Variants in EIF2A observed in about 807,000 individuals in gnomAD.
EIF2A encodes 65 kDa eukaryotic translation initiation factor 2A.
EIF2A carries 62 observed loss-of-function variants against 75.2 expected under a neutral mutation model. The observed-to-expected ratio is 0.82, with a 90% CI of 0.67 to 1.02. EIF2A has a LOEUF of 1.02. EIF2A is among the 50% of genes least tolerant of loss of function. The pLI is 0.00. For missense variants in EIF2A, 611 were observed against 677.7 expected (o/e 0.90, Z 1.09); for synonymous variants, 207 against 239.0 (o/e 0.87, Z 1.23).
chr3:150,565,385 G>C (rs1299362541), intron 6 of EIF2A, among the ~76,000 whole-genome samples: 1 of 152,090 alleles, frequency 6.6e-6, no homozygotes, highest in Non-Finnish European at 1.5e-5. Flanking sequence ...TGATACTCTG[G>C]TTTTTTCTCC....
At chr3:150,550,456 T>C (rs1307676470) in intron 1 of EIF2A, among the ~76,000 whole-genome samples, 1 of 152,246 alleles carries the variant, frequency 6.6e-6, no homozygotes, top group African/African-American at 2.4e-5. Flanking sequence ...TAATAAACTT[T>C]GTATCACAGC....
Position 150,581,651 on chromosome 3 carries a change from C to T in EIF2A, c.1531C>T (p.Pro511Ser). ...AAGTGACAAGAGTCCAGATTTGGCA[C>T]CTACTCCTGCCCCACAGAGCACACC... ...ARSDKSPDLAPTPAPQSTPRN... is the reference protein window; with the variant it reads ...ARSDKSPDLASTPAPQSTPRN... Residue 511 changes from proline to serine, a missense_variant, in exon 12 of 14, where the codon CCT (proline) becomes TCT (serine). Transcript: ENST00000460851. The T allele has an allele frequency of 6.4e-7, 1 of 1,551,736 alleles. No individual in the cohort carries two copies.
At chr3:150,567,614 C>A in intron 6 of EIF2A, 79 bp from the exon 7 acceptor site, 1 of 988,020 alleles carries the variant, frequency 1.0e-6, no homozygotes, top group Non-Finnish European at 1.5e-6. Flanking sequence ...TTATAGTGAT[C>A]TTTGATAATG....
rs376553040 is a variant in EIF2A, at chr3:150,564,354, G to T, written c.448G>T (p.Val150Phe). ...TLCARNVNNEVHFFENNNFNT... is the reference protein window; with the variant it reads ...TLCARNVNNEFHFFENNNFNT... ...TTGTGCCCGCAATGTTAACAATGAA[G>T]TTCACTTCTTTGAAAACAACAATTT... The change falls in exon 6 of 14, where the codon GTT becomes TTT. Residue 150 changes from valine (V) to phenylalanine (F), a missense_variant. Physicochemically the swap from Val to Phe is conservative, Grantham distance 50. Transcript: ENST00000460851. 6.9e-6 allele frequency: 11 copies of T among 1,601,864 alleles called. No homozygotes were observed. Among genetic ancestry groups the T allele is most frequent in the African/African-American group, 1.3e-5 (1 of 74,278 alleles).
At position 150,564,338 on chromosome 3, in the gene EIF2A, C is replaced by T. The variant is rs772801786; in HGVS notation, c.432C>T (p.Arg144=). 6 of 1,600,358 alleles carry T rather than the reference C, an allele frequency of 3.7e-6. No individual in the cohort carries two copies. In the African/African-American group the frequency reaches 5.4e-5, roughly 14 times the overall value. Residue 144 remains arginine (R), a synonymous_variant, in exon 6 of 14, where the codon CGC becomes CGT. Coordinates refer to ENST00000460851, the MANE Select transcript of EIF2A (RefSeq NM_032025.5). ...CAGAAGATGAAACTCTTTGTGCCCG[C>T]AATGTTAACAATGAAGTTCACTTCT... ...SWSEDETLCA[R]NVNNEVHFFE...
intron 11 of EIF2A, among the ~76,000 whole-genome samples, chr3:150,580,909 T>C (rs1486720003): frequency 1.3e-5 from 2 of 152,216 alleles, no homozygotes; most frequent in Non-Finnish European, 2.9e-5. Context: ...AGAGATTTCA[T>C]CACACAGCTT....
At chr3:150,568,786 G>A (rs189106908) in intron 9 of EIF2A, among the ~76,000 whole-genome samples, 24 of 152,232 alleles carry the variant, frequency 1.6e-4, no homozygotes, top group East Asian at 1.5e-3. Flanking sequence ...GCATGGTGGC[G>A]TATGCCTGTA....
chr3:150,555,325 C>T (rs373138500), intron 2 of EIF2A, among the ~76,000 whole-genome samples: 22 of 151,928 alleles, frequency 1.4e-4, no homozygotes, highest in African/African-American at 5.3e-4. Context: ...GGTACAATCT[C>T]GGCTCACTGC....
In EIF2A at chr3:150,552,429, T is replaced by C; in HGVS notation, c.98+4T>C. On this transcript the variant is annotated splice_donor_region_variant and intron_variant, in intron 2 of 13. Transcript: ENST00000460851. The stretch of plus-strand genomic sequence containing the variant: ...CAGAAAGCACAGTGTTTCCAAGGTA[T>C]GATTTATTTTGTTAAGTAATGTTAT... The C allele has an allele frequency of 6.4e-7, 1 of 1,551,362 alleles. No homozygotes were observed. The highest frequency in any genetic ancestry group is 8.7e-7 in the Non-Finnish European group (1 of 1,146,472).
rs1325688221 is a variant in EIF2A at position 150,568,244 on chromosome 3, ACT to A, written c.766_767del (p.Leu256ThrfsTer22). ...AGGAGCTTCCTACTATGGAGAACAA[ACT>A]CTACACTACATTGCAACAAATGGAG... ...KTGASYYGEQ[T>X]LHYIATNGES... On this transcript the variant is annotated frameshift_variant, in exon 9 of 14. Transcript: ENST00000460851. LOFTEE classifies it high-confidence loss of function. 6 of 1,613,508 alleles carry A rather than the reference ACT, an allele frequency of 3.7e-6. No individual in the cohort carries two copies. Among genetic ancestry groups the A allele is most frequent in the East Asian group, 2.2e-5 (1 of 44,832 alleles).
In EIF2A at chr3:150,564,351, G is replaced by A; in HGVS notation, c.445G>A (p.Glu149Lys). Residue 149 changes from glutamate to lysine, a missense_variant, in exon 6 of 14, where the codon GAA becomes AAA. By Grantham distance (56) the Glu-to-Lys change is moderately conservative. Transcript: ENST00000460851. Reference sequence around the variant, plus strand: ...TCTTTGTGCCCGCAATGTTAACAATGAAGTTCACTTCTTTGAAAACAACAA... The same window carrying A: ...TCTTTGTGCCCGCAATGTTAACAATAAAGTTCACTTCTTTGAAAACAACAA... Reference protein sequence around the residue: ...ETLCARNVNNEVHFFENNNFN... With the variant: ...ETLCARNVNNKVHFFENNNFN... The A allele has an allele frequency of 1.2e-6, 2 of 1,601,998 alleles. No homozygotes were observed. The highest frequency in any genetic ancestry group is 1.7e-6 in the Non-Finnish European group (2 of 1,175,520).
At chr3:150,570,250 C>A (rs1281401391) in intron 9 of EIF2A, among the ~76,000 whole-genome samples, 1 of 151,660 alleles carries the variant, frequency 6.6e-6, no homozygotes. Flanking sequence ...AGAAAAGAGT[C>A]CATAAATTAA....
At chr3:150,564,455 CAT>C in intron 6 of EIF2A, 74 bp downstream of exon 6, 1 of 1,204,016 alleles carries the variant, frequency 8.3e-7, no homozygotes, top group Non-Finnish European at 1.1e-6. Flanking sequence ...TTTATGACAT[CAT>C]AGGGTTTTCC....
chr3:150,576,088 C>CA (rs949808689), intron 11 of EIF2A, among the ~76,000 whole-genome samples: 30 of 148,832 alleles, frequency 2.0e-4, no homozygotes, highest in African/African-American at 5.2e-4. Flanking sequence ...ACTCCATCTC[C>CA]AAAAAAAAAG....
intron 9 of EIF2A, among the ~76,000 whole-genome samples, chr3:150,570,781 G>A (rs1165072853): frequency 6.6e-6 from 1 of 152,114 alleles, no homozygotes; most frequent in East Asian, 1.9e-4. Flanking sequence ...TGCTGACAGA[G>A]GCTGGGCACG....
At chr3:150,581,821 G>A in intron 12 of EIF2A, 75 bp downstream of exon 12, 1 of 1,478,644 alleles carries the variant, frequency 6.8e-7, no homozygotes, top group Non-Finnish European at 9.1e-7. Context: ...GTACTTAGAT[G>A]CCTAAAGACA....
At position 150,584,976 on chromosome 3, in the gene EIF2A, C is replaced by T. The variant is rs1278630833; in HGVS notation, c.*1065C>T. On this transcript the variant is annotated 3_prime_UTR_variant, in exon 14 of 14. Transcript: ENST00000460851. ...TTGTGTATCTTTCTAATGATAGATA[C>T]CATATGAGTATTCAAATATACATAC... Among the ~76,000 whole-genome samples the T allele has an allele frequency of 6.6e-6, 1 of 151,324 alleles. No homozygotes were observed. The highest frequency in any genetic ancestry group is 6.6e-5 in the Admixed American group (1 of 15,186).
chr3:150,583,347 A>G (rs1725300217), intron 13 of EIF2A, 82 bp downstream of exon 13: 9 of 1,349,902 alleles, frequency 6.7e-6, no homozygotes, highest in Non-Finnish European at 9.2e-6. Flanking sequence ...TAGTCAGGTA[A>G]AAGAGCACAT....
In EIF2A at chr3:150,573,480, G is replaced by A. The variant is rs146481645; in HGVS notation, c.1383+951G>A. ...TTGGCCAGGCTGGTCTGGAACTCCC[G>A]ACCTTAGGTGATCCACCCGCCTTGG... On this transcript the variant is annotated intron_variant, in intron 10 of 13. Transcript: ENST00000460851. 3.0e-3 allele frequency among the ~76,000 whole-genome samples: 453 copies of A among 152,258 alleles called. 3 individuals are homozygous for A. Among genetic ancestry groups the A allele is most frequent in the African/African-American group, 0.01 (431 of 41,542 alleles).
Sources: gnomAD v4.1 joint callset for allele counts (sites outside exome capture counted in the v4.1 genomes callset) on GRCh38, gnomAD v4.1.1 for gene constraint, MANE v1.5 for transcripts, NCBI Gene and HGNC (gene_info 2026-07-23, HGNC 2026-07-21) for gene names.